Variants in PER3 observed in about 807,000 individuals in gnomAD.
PER3 encodes period circadian protein homolog 3.
A neutral mutation model predicts 127.2 loss-of-function variants in PER3; 107 were observed. The ratio of observed to expected loss-of-function variants is 0.84; its 90% CI spans 0.72 to 0.99. The LOEUF is 0.99. PER3 is among the 50% of genes least tolerant of loss of function. The pLI is 0.00. For synonymous variants in PER3, 618 were observed against 585.8 expected (o/e 1.05, Z -0.79); for missense variants, 1,560 against 1,525.8 (o/e 1.02, Z -0.37).
Position 7,827,272 on chromosome 1 carries a change from C to G in PER3, c.2343C>G (p.Ser781=). 1.2e-6 allele frequency: 2 copies of G among 1,613,838 alleles called. No individual in the cohort carries two copies. The highest frequency in any genetic ancestry group is 1.1e-5 in the South Asian group (1 of 91,056). The change falls in exon 18 of 22, where the codon TCC becomes TCG. Residue 781 remains serine, a synonymous_variant. Transcript: ENST00000377532. ...AHQNAQPCCP[S]AASSPHTSSP... ...AGAACGCACAGCCCTGCTGCCCCTC[C>G]GCGGCCTCCTCTCCGCACACCTCGA...
At position 7,802,452 on chromosome 1, in the gene PER3, A is replaced by G. The variant is rs887896991; in HGVS notation, c.873-595A>G. Among the ~76,000 whole-genome samples the G allele has an allele frequency of 4.6e-5, 7 of 152,030 alleles. 1 individual carries two copies. The East Asian group carries it at 1.3e-3, about 29-fold the overall frequency. On this transcript the variant is annotated intron_variant, in intron 8 of 21. Transcript: ENST00000377532. ...TAATTTTTTTATATTTTCAGTAGAG[A>G]TGGGGTTTCACCATGTTGGCCAGAC...
intron 19 of PER3, among the ~76,000 whole-genome samples, chr1:7,835,101 G>A (rs192826974): frequency 2.0e-5 from 3 of 152,272 alleles, no homozygotes; most frequent in East Asian, 3.9e-4. Context: ...GTGAGATTGA[G>A]GCAGGAAATA....
intron 6 of PER3, among the ~76,000 whole-genome samples, chr1:7,794,490 TC>T (rs1210375116): frequency 6.6e-6 from 1 of 151,818 alleles, no homozygotes; most frequent in Non-Finnish European, 1.5e-5. Context: ...AGACTCTGTC[TC>T]AAAAAAAATA....
chr1:7,824,844 C>G (rs1164347063), intron 16 of PER3, among the ~76,000 whole-genome samples: 1 of 152,156 alleles, frequency 6.6e-6, no homozygotes, highest in African/African-American at 2.4e-5. Flanking sequence ...CGGCACTATT[C>G]CGCAGCTTGC....
At chr1:7,787,408 T>C in intron 4 of PER3, 1 of 358,294 alleles carries the variant, frequency 2.8e-6, no homozygotes, top group Non-Finnish European at 5.5e-6. Flanking sequence ...GATTTTGTAA[T>C]AGTGGAACGT....
Position 7,844,033 on chromosome 1 carries a change from A to AT in PER3, c.*1287dup, listed in dbSNP as rs1316690610. Reference sequence around the variant, plus strand: ...TATATAACTTGCAACAAACTAATTTATTTTTTTTTCCTTTTTTTGTTTTTG... The same window carrying AT: ...TATATAACTTGCAACAAACTAATTTATTTTTTTTTTCCTTTTTTTGTTTTTG... On this transcript the variant is annotated 3_prime_UTR_variant, in exon 22 of 22. Transcript: ENST00000377532. 1,004 of 1,037,694 alleles carry AT rather than the reference A, an allele frequency of 9.7e-4. No individual in the cohort carries two copies. The highest frequency in any genetic ancestry group is 2.0e-3 in the South Asian group (91 of 46,290). The allele number at this position is 1,037,694 out of a possible 1,614,324, so 64.3% of individuals were successfully genotyped here.
intron 21 of PER3, 172 bp from the exon 22 acceptor site, chr1:7,842,499 CA>C (rs373923215): frequency 0.014 from 5,047 of 360,006 alleles, no homozygotes; most frequent in Non-Finnish European, 0.017. Context: ...GACTCTGTCT[CA>C]AAAAAAAAAA....
At chr1:7,785,355 T>C (rs966286761) in intron 2 of PER3, 86 bp from the exon 3 acceptor site, 6 of 1,077,032 alleles carry the variant, frequency 5.6e-6, no homozygotes, top group Non-Finnish European at 8.4e-6. Flanking sequence ...ACTTAGAAAC[T>C]TACCTGGCTT....
At position 7,826,457 on chromosome 1, in the gene PER3, A is replaced by T; in HGVS notation, c.1958-23A>T. On this transcript the variant is annotated intron_variant, in intron 16 of 21. Coordinates refer to ENST00000377532, the MANE Select transcript of PER3 (RefSeq NM_001377275.1). This position sits in a 1 kb window ranked among gnomAD's most constrained non-coding sequence, Gnocchi z 4.2. ...CAAATAATTGATAGGAATTAAAATT[A>T]AATATGTCTTCTTCCACCTCAGCCA... 1 of 1,309,068 alleles carries T rather than the reference A, an allele frequency of 7.6e-7. No individual in the cohort carries two copies. Among genetic ancestry groups the T allele is most frequent in the Non-Finnish European group, 1.1e-6 (1 of 905,766 alleles). 81.1% of individuals were successfully genotyped at this position (1,309,068 alleles called of 1,614,324 possible). A position where few individuals can be genotyped will look rare whatever the true frequency, so the allele number is the denominator to read the frequency against.
intron 10 of PER3, among the ~76,000 whole-genome samples, chr1:7,805,630 C>G (rs1003778776): frequency 2.6e-5 from 4 of 152,162 alleles, no homozygotes; most frequent in Admixed American, 2.6e-4. Context: ...CCCTTCTCCC[C>G]ACCCCATACC....
intron 5 of PER3, among the ~76,000 whole-genome samples, chr1:7,791,078 A>T (rs1264693415): frequency 6.6e-6 from 1 of 152,160 alleles, no homozygotes; most frequent in African/African-American, 2.4e-5. Context: ...GGTCTGGAGG[A>T]TGGTGGCCCT....
intron 10 of PER3, among the ~76,000 whole-genome samples, chr1:7,805,961 T>C (rs1295817695): frequency 6.6e-6 from 1 of 152,218 alleles, no homozygotes; most frequent in East Asian, 1.9e-4. Flanking sequence ...TAAGGTCTAG[T>C]AGGTATTAAT....
At chr1:7,793,868 T>C (rs1011151784) in intron 5 of PER3, 89 bp from the exon 6 acceptor site, 29 of 1,084,358 alleles carry the variant, frequency 2.7e-5, no homozygotes, top group South Asian at 1.9e-4. Context: ...TTTTAAAAAA[T>C]AGTTTGTTGT....
intron 6 of PER3, among the ~76,000 whole-genome samples, chr1:7,797,372 C>T (rs170632): frequency 0.074 from 11,287 of 152,264 alleles, 523 homozygotes; most frequent in Middle Eastern, 0.13. Flanking sequence ...CAGTGGCTCA[C>T]GCCTGTAATC....
In PER3 at chr1:7,819,368, G is replaced by A. The variant is rs370458853; in HGVS notation, c.1606G>A (p.Asp536Asn). The A allele has an allele frequency of 8.7e-6, 14 of 1,613,910 alleles. No individual in the cohort carries two copies. In the African/African-American group the frequency reaches 9.3e-5, roughly 11 times the overall value. The change falls in exon 14 of 22, where the codon GAT becomes AAT. Residue 536 changes from aspartate to asparagine, a missense_variant. Asp to Asn is a conservative substitution (Grantham distance 23). Transcript: ENST00000377532. ...TGAGCCCTGTGAGGATTTGAGGAAC[G>A]ATGAGCACAGCCCATCCTATCAACA... ...YTEPCEDLRN[D>N]EHSPSYQQIN...
chr1:7,800,216 A>T (rs1181710905), intron 7 of PER3, among the ~76,000 whole-genome samples: 2 of 146,326 alleles, frequency 1.4e-5, no homozygotes. Context: ...CAATCACTTC[A>T]TTTTTTTTTT....
chr1:7,792,253 A>G (rs1369185882), intron 5 of PER3, among the ~76,000 whole-genome samples: 1 of 152,154 alleles, frequency 6.6e-6, no homozygotes. Flanking sequence ...AGAAGCGCCA[A>G]GCAAAAGGGG....
intron 6 of PER3, among the ~76,000 whole-genome samples, chr1:7,797,660 AAG>A (rs1427828361): frequency 3.3e-5 from 5 of 151,970 alleles, no homozygotes; most frequent in Non-Finnish European, 5.9e-5. Flanking sequence ...AAAGAAAAAA[AAG>A]TGAGGTGGAA....
In PER3 at chr1:7,827,476, T is replaced by A; in HGVS notation, c.2547T>A (p.Phe849Leu). Reference protein sequence around the residue: ...EGLQPYPAFPFPYLDTFMTVF... With the variant: ...EGLQPYPAFPLPYLDTFMTVF... ...TGCAGCCTTACCCAGCTTTCCCTTT[T>A]CCTTACTTGGATACTTTTATGACCG... is the stretch of plus-strand genomic sequence containing the variant. The change falls in exon 18 of 22, where the codon TTT (phenylalanine) becomes TTA (leucine). Residue 849 changes from phenylalanine to leucine, a missense_variant. Transcript: ENST00000377532. 1 of 1,614,234 alleles carries A rather than the reference T, an allele frequency of 6.2e-7. No homozygotes were observed.
Sources: allele counts gnomAD v4.1 joint callset (sites outside exome capture counted in the v4.1 genomes callset), GRCh38; gene constraint gnomAD v4.1.1; non-coding constraint Gnocchi (gnomAD v3.1); transcripts MANE v1.5; gene names NCBI Gene and HGNC (gene_info 2026-07-23, HGNC 2026-07-21).